CCDC22: variants seen among roughly 807,000 people sequenced by gnomAD.
CCDC22 encodes CCC complex scaffolding subunit CCDC22.
Under a neutral mutation model 53.1 loss-of-function variants are expected in CCDC22, and 4 were observed. That is an observed-to-expected ratio of 0.08 (90% CI 0.04 to 0.17). The LOEUF is 0.17. Ranked by LOEUF, CCDC22 falls within the 10% of genes least tolerant of loss-of-function variation. CCDC22 has a pLI of 1.00. For missense variants in CCDC22, 458 were observed against 554.0 expected (o/e 0.83, Z 1.74); for synonymous variants, 222 against 224.4 (o/e 0.99, Z 0.10).
chrX:49,248,803 A>T lies in CCDC22; in HGVS notation c.1432-14A>T, dbSNP rs782493545. 1.7e-6 allele frequency: 2 copies of T among 1,208,178 alleles called. No individual in the cohort carries two copies. ...GGATGGTCCTGGGGCAGTGCCTGCT[A>T]TATCCCTGCCTAGATGTCAGAGCTG... On this transcript the variant is annotated splice_polypyrimidine_tract_variant and intron_variant, in intron 12 of 16. Coordinates refer to ENST00000376227, the MANE Select transcript of CCDC22 (RefSeq NM_014008.5).
rs782243934 is a variant in CCDC22 at position 49,247,739 on chromosome X, A to G, written c.1063A>G (p.Met355Val). The G allele has an allele frequency of 5.0e-6, 6 of 1,211,273 alleles. No homozygotes were observed. Among genetic ancestry groups the G allele is most frequent in the Admixed American group, 2.2e-5 (1 of 46,079 alleles). The change falls in exon 9 of 17, where the codon ATG (methionine) becomes GTG (valine). Residue 355 changes from methionine (M) to valine (V), a missense_variant. Physicochemically the swap from Met to Val is conservative, Grantham distance 21. Coordinates refer to ENST00000376227, the MANE Select transcript of CCDC22 (RefSeq NM_014008.5). ...NRSIEEVEAD[M>V]KTLGVSFVQA... is the part of the protein sequence containing the mutation. ...CAGCATTGAGGAGGTTGAGGCCGACATGAAGACCCTGGGCGTCAGCTTTGT... is the reference window on the plus strand; with the variant it reads ...CAGCATTGAGGAGGTTGAGGCCGACGTGAAGACCCTGGGCGTCAGCTTTGT...
rs781896650 is a variant in CCDC22, at chrX:49,237,227, G to T, written c.192G>T (p.Arg64=). The change falls in exon 2 of 17, where the codon CGG becomes CGT. Residue 64 remains arginine (R), a synonymous_variant. Transcript: ENST00000376227. ...SPLLPLAMSA[R]FRLAMSLAQA... is the part of the protein sequence containing the mutation. Reference sequence around the variant, plus strand: ...TGCTGCCTCTTGCCATGTCTGCCCGGTTCCGCCTGGCCATGAGCCTGGCTC... The same window carrying T: ...TGCTGCCTCTTGCCATGTCTGCCCGTTTCCGCCTGGCCATGAGCCTGGCTC... 8.3e-7 allele frequency: 1 copy of T among 1,210,663 alleles called. No individual in the cohort carries two copies. Among genetic ancestry groups the T allele is most frequent in the South Asian group, 1.8e-5 (1 of 56,974 alleles).
chrX:49,247,361 CA>C (rs1417133233), intron 7 of CCDC22, 134 bp from the exon 8 acceptor site: 4 of 566,052 alleles, frequency 7.1e-6, no homozygotes, highest in African/African-American at 6.9e-5. Flanking sequence ...CCCACATAGT[CA>C]CAGTCTGGCC....
At chrX:49,238,664 G>A (rs1557113053) in intron 2 of CCDC22, among the ~76,000 whole-genome samples, 2 of 110,435 alleles carry the variant, frequency 1.8e-5, no homozygotes, top group Non-Finnish European at 3.8e-5. Context: ...GGCCTCAAGA[G>A]ATTCTCCTGC....
chrX:49,243,060 C>A, intron 4 of CCDC22, 58 bp from the exon 5 acceptor site: 1 of 1,153,528 alleles, frequency 8.7e-7, no homozygotes, highest in Non-Finnish European at 1.2e-6. Flanking sequence ...TGGCCCCCTA[C>A]CCCTGGCAAC....
Position 49,248,392 on chromosome X carries a change from C to T in CCDC22, c.1213-15C>T, listed in dbSNP as rs2066002697. On this transcript the variant is annotated splice_polypyrimidine_tract_variant and intron_variant, in intron 10 of 16. Transcript: ENST00000376227. ...GAGGGCCCAGCCTGTGTGACATGTA[C>T]CCATCCCCCACCAGCTTGTGGTGGA... The T allele has an allele frequency of 8.3e-7, 1 of 1,206,980 alleles. No homozygotes were observed. The highest frequency in any genetic ancestry group is 1.1e-6 in the Non-Finnish European group (1 of 892,716).
chrX:49,247,527 A>C lies in CCDC22; in HGVS notation c.941A>C (p.Asp314Ala), dbSNP rs1557114411. Residue 314 changes from aspartate (D) to alanine (A), a missense_variant, in exon 8 of 17, where the codon GAT (aspartate) becomes GCT (alanine). Asp to Ala is a moderately radical substitution (Grantham distance 126, BLOSUM62 -2). Around this residue, in one of 4 missense-constraint regions of CCDC22, gnomAD observed 309 missense variants for 312.3 expected, o/e 0.99. Transcript: ENST00000376227. ...CAGGCCCAGGCCACTCAGGTGTCAG[A>C]TGTGCCAGCCACCTCCCGGCGGCCT... ...EPQAQATQVS[D>A]VPATSRRPEQ... 1 of 1,200,047 alleles carries C rather than the reference A, an allele frequency of 8.3e-7. No individual in the cohort carries two copies. Among genetic ancestry groups the C allele is most frequent in the Non-Finnish European group, 1.1e-6 (1 of 889,978 alleles).
chrX:49,246,853 G>C lies in CCDC22; in HGVS notation c.837G>C (p.Trp279Cys). The C allele has an allele frequency of 8.3e-7, 1 of 1,202,031 alleles. No homozygotes were observed. Among genetic ancestry groups the C allele is most frequent in the Non-Finnish European group, 1.1e-6 (1 of 890,437 alleles). ...ARDLGELLQA[W>C]GAGAKTGAPK... ...ACCTGGGAGAACTGCTGCAGGCCTG[G>C]GGTGCTGGGGCCAAGACTGGTGCTC... Residue 279 changes from tryptophan to cysteine, a missense_variant, in exon 7 of 17, where the codon TGG (tryptophan) becomes TGC (cysteine). By Grantham distance (215) the Trp-to-Cys change is radical. Transcript: ENST00000376227.
At position 49,242,962 on chromosome X, in the gene CCDC22, C is replaced by T. The variant is rs782402781; in HGVS notation, c.438C>T (p.His146=). The change falls in exon 4 of 17, where the codon CAC becomes CAT. Residue 146 remains histidine (H), a synonymous_variant. Transcript: ENST00000376227. ...TGGCACTGCCTTGGGTCCCGCCCCACCTTCGCACTCCCAAGCTGCAGCACC... is the reference window on the plus strand; with the variant it reads ...TGGCACTGCCTTGGGTCCCGCCCCATCTTCGCACTCCCAAGCTGCAGCACC... ...DQLALPWVPP[H]LRTPKLQHLQ... The T allele has an allele frequency of 5.2e-6, 6 of 1,160,384 alleles. No homozygotes were observed. The highest frequency in any genetic ancestry group is 6.9e-6 in the Non-Finnish European group (6 of 868,805).
rs1284016509 is a variant in CCDC22 at position 49,235,514 on chromosome X, A to C, written c.-123A>C. On this transcript the variant is annotated 5_prime_UTR_variant, in exon 1 of 17. Transcript: ENST00000376227. ...CTCGCTCACAGAACTACACTTTCCA[A>C]CTCTCCCCACACGACCCGTGACACT... 8 of 646,209 alleles carry C rather than the reference A, an allele frequency of 1.2e-5. No individual in the cohort carries two copies. The highest frequency in any genetic ancestry group is 2.3e-5 in the African/African-American group (1 of 43,877). 53.3% of individuals were successfully genotyped at this position (646,209 alleles called of 1,213,427 possible).
intron 1 of CCDC22, 58 bp downstream of exon 1, chrX:49,235,744 G>C (rs2065933134): frequency 1.9e-6 from 2 of 1,044,919 alleles, no homozygotes; most frequent in African/African-American, 3.9e-5. Context: ...TAAAGCCCAG[G>C]ACCCCGTTTC....
At position 49,249,861 on chromosome X, in the gene CCDC22, G is replaced by A. The variant is rs370745631; in HGVS notation, c.1770+136G>A. The A allele has an allele frequency of 1.2e-4, 70 of 573,806 alleles. 1 individual carries two copies. Among genetic ancestry groups the A allele is most frequent in the East Asian group, 7.2e-4 (20 of 27,932 alleles). The allele number at this position is 573,806 out of a possible 1,213,427, so 47.3% of individuals were successfully genotyped here. ...CCTGCCCCTTAGTGCCTGTGACCTG[G>A]GACAGGCAAGTGGCCTACTGTGAGC... On this transcript the variant is annotated intron_variant, in intron 16 of 16. Transcript: ENST00000376227.
chrX:49,242,829 T>C, intron 3 of CCDC22, 57 bp from the exon 4 acceptor site: 1 of 759,879 alleles, frequency 1.3e-6, no homozygotes, highest in Non-Finnish European at 1.9e-6. Flanking sequence ...TCCTAGGGTA[T>C]GCCCTTTTGG....
In CCDC22 at chrX:49,250,248, T is replaced by C; in HGVS notation, c.1871T>C (p.Val624Ala). The change falls in exon 17 of 17, where the codon GTC becomes GCC. Residue 624 changes from valine (V) to alanine (A), a missense_variant. Val to Ala is a moderately conservative substitution (Grantham distance 64). Coordinates refer to ENST00000376227, the MANE Select transcript of CCDC22 (RefSeq NM_014008.5). ...RQENAGLLGR[V>A]REA is the part of the protein sequence containing the mutation. Reference sequence around the variant, plus strand: ...GAGAACGCTGGCCTCCTAGGCCGGGTCCGGGAGGCCTGAGGAGCCGCCGGC... The same window carrying C: ...GAGAACGCTGGCCTCCTAGGCCGGGCCCGGGAGGCCTGAGGAGCCGCCGGC... 1 of 1,132,461 alleles carries C rather than the reference T, an allele frequency of 8.8e-7. No homozygotes were observed. The highest frequency in any genetic ancestry group is 1.2e-6 in the Non-Finnish European group (1 of 841,253). 93.3% of individuals were successfully genotyped at this position (1,132,461 alleles called of 1,213,427 possible). A position where few individuals can be genotyped will look rare whatever the true frequency, so the allele number is the denominator to read the frequency against.
rs931717986 is a variant in CCDC22, at chrX:49,246,096, C to T, written c.715-635C>T. 3.6e-5 allele frequency among the ~76,000 whole-genome samples: 4 copies of T among 110,914 alleles called. No homozygotes were observed. The Admixed American group carries it at 3.8e-4, about 11-fold the overall frequency. ...CACTTCCTGGGTTCAAGCCATTCTC[C>T]TGCCTCAGCCCCCAAGTAGCTGGAA... On this transcript the variant is annotated intron_variant, in intron 6 of 16. Transcript: ENST00000376227.
At position 49,243,287 on chromosome X, in the gene CCDC22, C is replaced by T. The variant is rs1557113680; in HGVS notation, c.539C>T (p.Pro180Leu). Residue 180 changes from proline (P) to leucine (L), a missense_variant, in exon 6 of 17, where the codon CCA (proline) becomes CTA (leucine). Around this residue, in one of 4 missense-constraint regions of CCDC22, gnomAD observed 309 missense variants for 312.3 expected, o/e 0.99. Coordinates refer to ENST00000376227, the MANE Select transcript of CCDC22 (RefSeq NM_014008.5). ...CTGACTCTGTTCCTGCCTCCAGAGC[C>T]ACGGGAGTTCCAGGCGAGTCCCCTG... is the stretch of plus-strand genomic sequence containing the variant. ...VVPELSSRGEPREFQASPLLL... is the reference protein window; with the variant it reads ...VVPELSSRGELREFQASPLLL... The T allele has an allele frequency of 8.3e-7, 1 of 1,200,389 alleles. No individual in the cohort carries two copies. The highest frequency in any genetic ancestry group is 1.1e-6 in the Non-Finnish European group (1 of 888,872).
chrX:49,247,002 A>G, intron 7 of CCDC22, 77 bp downstream of exon 7: 1 of 842,189 alleles, frequency 1.2e-6, no homozygotes, highest in Non-Finnish European at 1.7e-6. Flanking sequence ...TCAGCACCAC[A>G]CCTTTATCCA....
At chrX:49,249,759 G>T in intron 16 of CCDC22, 34 bp downstream of exon 16, 3 of 1,088,156 alleles carry the variant, frequency 2.8e-6, no homozygotes, top group Non-Finnish European at 3.8e-6. Flanking sequence ...GAGCCAAGGC[G>T]GGCCGGGGGG....
intron 6 of CCDC22, among the ~76,000 whole-genome samples, chrX:49,244,569 C>CT (rs1279642146): frequency 2.6e-4 from 28 of 108,265 alleles, no homozygotes; most frequent in Admixed American, 2.4e-3. Context: ...CTCTCTTCTT[C>CT]TTTTTTTTTG....
Sources: gnomAD v4.1 joint callset for allele counts (sites outside exome capture counted in the v4.1 genomes callset) on GRCh38, gnomAD v4.1.1 for gene constraint, gnomAD v4.1.1 regional missense constraint, MANE v1.5 for transcripts, NCBI Gene and HGNC (gene_info 2026-07-23, HGNC 2026-07-21) for gene names.